SLC4A4: variants seen among roughly 807,000 people sequenced by gnomAD.
SLC4A4 encodes the protein electrogenic sodium bicarbonate cotransporter 1.
Under a neutral mutation model 111.5 loss-of-function variants are expected in SLC4A4, and 27 were observed. The observed-to-expected ratio is 0.24, with a 90% CI of 0.18 to 0.33. SLC4A4 has a LOEUF of 0.33. Ranked by LOEUF, SLC4A4 falls within the 10% of genes least tolerant of loss-of-function variation. The pLI is 1.00. For missense variants in SLC4A4, 909 were observed against 1,315.5 expected, an observed-to-expected ratio of 0.69 and a Z score of 4.78; for synonymous variants, 443 against 463.4, an observed-to-expected ratio of 0.96 and a Z score of 0.57.
intron 3 of SLC4A4, among the ~76,000 whole-genome samples, chr4:71,323,308 GT>G (rs1036277974): frequency 1.3e-5 from 2 of 151,658 alleles, no homozygotes; most frequent in African/African-American, 2.4e-5. Context: ...CCTTCTGGTG[GT>G]TTTTTTTCTA....
At chr4:71,368,647 G>C (rs139131954) in intron 6 of SLC4A4, among the ~76,000 whole-genome samples, 2 of 152,134 alleles carry the variant, frequency 1.3e-5, no homozygotes, top group Non-Finnish European at 2.9e-5. Flanking sequence ...GTGTAACTTC[G>C]CTCTGTGTGT....
intron 2 of SLC4A4, among the ~76,000 whole-genome samples, chr4:71,240,074 A>G (rs1720087010): frequency 6.6e-6 from 1 of 152,174 alleles, no homozygotes; most frequent in Non-Finnish European, 1.5e-5. Context: ...GGAAATTGCT[A>G]ATTACGTAGC....
At position 71,323,162 on chromosome 4, in the gene SLC4A4, C is replaced by A. The variant is rs554958986; in HGVS notation, c.254-16208C>A. 2.6e-5 allele frequency among the ~76,000 whole-genome samples: 4 copies of A among 152,062 alleles called. No homozygotes were observed. The South Asian group carries it at 8.3e-4, about 32-fold the overall frequency. On this transcript the variant is annotated intron_variant, in intron 3 of 25. Coordinates refer to ENST00000264485, the MANE Select transcript of SLC4A4 (RefSeq NM_001098484.3). Reference sequence around the variant, plus strand: ...TTAGCAACTAAAAAACCTTAATTGGCTTGTTTTCCTTATAAATATGATTTT... The same window carrying A: ...TTAGCAACTAAAAAACCTTAATTGGATTGTTTTCCTTATAAATATGATTTT...
rs1295059520 is a variant in SLC4A4, at chr4:71,440,254, CCT to C, written c.808-361_808-360del. Reference sequence around the variant, plus strand: ...AGGGCATGTAATTAATCTATCCACCCCTGTTTCCCTAAGGCTTATAGTATTGC... The same window carrying C: ...AGGGCATGTAATTAATCTATCCACCCGTTTCCCTAAGGCTTATAGTATTGC... On this transcript the variant is annotated intron_variant, in intron 7 of 25. Transcript: ENST00000264485. Among the ~76,000 whole-genome samples, 7 of 152,100 alleles carry C rather than the reference CCT, an allele frequency of 4.6e-5. 1 individual carries two copies. The highest frequency in any genetic ancestry group is 3.9e-4 in the Admixed American group (6 of 15,270).
chr4:71,367,360 T>C (rs1265178881), intron 6 of SLC4A4, among the ~76,000 whole-genome samples: 1 of 152,226 alleles, frequency 6.6e-6, no homozygotes, highest in Non-Finnish European at 1.5e-5. Flanking sequence ...ATGTCTTCTT[T>C]TGAAGAAGTT....
At chr4:71,465,107 A>G (rs185702688) in intron 12 of SLC4A4, among the ~76,000 whole-genome samples, 1 of 152,054 alleles carries the variant, frequency 6.6e-6, no homozygotes, top group Admixed American at 6.6e-5. Context: ...CCAGAAATCC[A>G]CTCTGCTCCA....
intron 2 of SLC4A4, among the ~76,000 whole-genome samples, chr4:71,158,951 T>C (rs892690894): frequency 6.6e-6 from 1 of 152,230 alleles, no homozygotes; most frequent in Admixed American, 6.5e-5. Context: ...AGTCTTTTTG[T>C]CCATGAAATA....
rs1577959775 is a variant in SLC4A4 at position 71,460,674 on chromosome 4, A to G, written c.1498-5770A>G. Among the ~76,000 whole-genome samples, 5 of 152,144 alleles carry G rather than the reference A, an allele frequency of 3.3e-5. No homozygotes were observed. The South Asian group carries it at 6.2e-4, about 19-fold the overall frequency. On this transcript the variant is annotated intron_variant, in intron 12 of 25. Coordinates refer to ENST00000264485, the MANE Select transcript of SLC4A4 (RefSeq NM_001098484.3). ...GGGGAAATAAAAAAATGAGGGTTGT[A>G]TATCCAGTCTCCTTCCCCAATGTAG... is the stretch of plus-strand genomic sequence containing the variant.
chr4:71,130,862 A>G (rs1021030160), intron 2 of SLC4A4, among the ~76,000 whole-genome samples: 2 of 152,118 alleles, frequency 1.3e-5, no homozygotes, highest in Middle Eastern at 3.2e-3. Context: ...CTGAGGGGAG[A>G]TATCTTTGTA....
At chr4:71,338,566 CTTT>C (rs1213292062) in intron 3 of SLC4A4, among the ~76,000 whole-genome samples, 2 of 135,494 alleles carry the variant, frequency 1.5e-5, no homozygotes, top group Non-Finnish European at 1.6e-5. Flanking sequence ...TCTTCTTCTT[CTTT>C]TTTTTTTTTT....
intron 1 of SLC4A4, among the ~76,000 whole-genome samples, chr4:71,201,199 C>T (rs1026189697): frequency 2.0e-5 from 3 of 152,106 alleles, no homozygotes; most frequent in African/African-American, 7.2e-5. Context: ...GAGGGAGGAG[C>T]TGAAGAGCAA....
At chr4:71,139,071 T>A in intron 2 of SLC4A4, among the ~76,000 whole-genome samples, 1 of 144,136 alleles carries the variant, frequency 6.9e-6, no homozygotes, top group African/African-American at 2.6e-5. Context: ...AATCAGTGAG[T>A]CAATAATGCA....
chr4:71,110,561 T>C (rs1743058287), intron 2 of SLC4A4, among the ~76,000 whole-genome samples: 1 of 152,220 alleles, frequency 6.6e-6, no homozygotes, highest in Non-Finnish European at 1.5e-5. Flanking sequence ...AATTCCTTAA[T>C]TGTATGAATT....
At chr4:71,272,539 G>GA (rs1161636364) in intron 3 of SLC4A4, among the ~76,000 whole-genome samples, 3 of 152,060 alleles carry the variant, frequency 2.0e-5, no homozygotes, top group African/African-American at 7.2e-5. Context: ...TTAATCTCTT[G>GA]AAAAAATGGA....
At position 71,156,588 on chromosome 4, in the gene SLC4A4, G is replaced by GCGCGCGCACACA. The variant is rs376043069; in HGVS notation, c.-2+63797_-2+63798insGCGCGCACACAC. On this transcript the variant is annotated intron_variant, in intron 2 of 26. Coordinates refer to the SLC4A4 transcript ENST00000649996. ...TGTGCGCGCATGCGCGCGCGCGCGCGCACACACACACACACACACACACAC... is the reference window on the plus strand; with the variant it reads ...TGTGCGCGCATGCGCGCGCGCGCGCGCGCGCGCACACACACACACACACACACACACACACAC... Among the ~76,000 whole-genome samples, 282 of 138,534 alleles carry GCGCGCGCACACA rather than the reference G, an allele frequency of 2.0e-3. 1 individual carries two copies. The highest frequency in any genetic ancestry group is 6.7e-3 in the South Asian group (25 of 3,716). 90.9% of individuals were successfully genotyped at this position (138,534 alleles called of 152,430 possible). A position where few individuals can be genotyped will look rare whatever the true frequency, so the allele number is the denominator to read the frequency against.
chr4:71,072,324 T>C (rs1741689118), intron 1 of SLC4A4, among the ~76,000 whole-genome samples: 1 of 152,218 alleles, frequency 6.6e-6, no homozygotes, highest in Non-Finnish European at 1.5e-5. Flanking sequence ...ATATACTAAC[T>C]AATCCATCTT....
chr4:71,213,900 C>T (rs1718276389), intron 1 of SLC4A4, among the ~76,000 whole-genome samples: 1 of 152,162 alleles, frequency 6.6e-6, no homozygotes, highest in African/African-American at 2.4e-5. Context: ...ACGTCCAAGT[C>T]TTCAGAATTG....
chr4:71,289,676 G>A (rs2167746), intron 3 of SLC4A4, among the ~76,000 whole-genome samples: 4,882 of 152,230 alleles, frequency 0.032, 284 homozygotes, highest in African/African-American at 0.11. Flanking sequence ...TTTGAATTGG[G>A]TAACGAAGGA....
At chr4:71,523,833 A>C (rs909071341) in intron 16 of SLC4A4, among the ~76,000 whole-genome samples, 1 of 152,096 alleles carries the variant, frequency 6.6e-6, no homozygotes. Context: ...GATTTATTTG[A>C]GTTTTATCTA....
Sources: allele counts gnomAD v4.1 joint callset (sites outside exome capture counted in the v4.1 genomes callset), GRCh38; gene constraint gnomAD v4.1.1; transcripts MANE v1.5; gene names NCBI Gene and HGNC (gene_info 2026-07-23, HGNC 2026-07-21).